Variants in PHEX observed in about 807,000 individuals in gnomAD.
The protein encoded by PHEX is phosphate regulating endopeptidase X-linked.
In PHEX, 16 loss-of-function variants were observed where a neutral mutation model predicts 68.0. The observed-to-expected ratio is 0.24, with a 90% CI of 0.16 to 0.36. PHEX has a LOEUF of 0.36. Ranked by LOEUF, PHEX falls within the 10% of genes least tolerant of loss-of-function variation. The pLI, the probability that PHEX is intolerant of heterozygous loss-of-function variation, is 1.00. For missense variants in PHEX, 480 were observed against 575.5 expected, an observed-to-expected ratio of 0.83 and a Z score of 1.70; for synonymous variants, 208 against 205.1, an observed-to-expected ratio of 1.01 and a Z score of -0.12.
chrX:22,157,034 C>T (rs748928635), intron 12 of PHEX, among the ~76,000 whole-genome samples: 1 of 111,361 alleles, frequency 9.0e-6, no homozygotes, highest in African/African-American at 3.3e-5. Context: ...AGGTGCAAGC[C>T]ACCACGCCCA....
chrX:22,226,141 A>G (rs1935486953), intron 18 of PHEX, among the ~76,000 whole-genome samples: 1 of 111,938 alleles, frequency 8.9e-6, no homozygotes, highest in East Asian at 2.8e-4. Flanking sequence ...CCATTAAACC[A>G]GAGTCACTCA....
intron 20 of PHEX, among the ~76,000 whole-genome samples, chrX:22,228,326 G>A (rs771732412): frequency 9.0e-6 from 1 of 111,403 alleles, no homozygotes; most frequent in Non-Finnish European, 1.9e-5. Context: ...GCCTCACCGT[G>A]GGCAAATGTG....
At chrX:22,194,985 G>A (rs1049781742) in intron 15 of PHEX, among the ~76,000 whole-genome samples, 13 of 112,284 alleles carry the variant, frequency 1.2e-4, no homozygotes, top group Admixed American at 1.9e-4. Context: ...TGATAACTGC[G>A]ACACTGATCT....
intron 9 of PHEX, among the ~76,000 whole-genome samples, chrX:22,101,291 A>G (rs1007245997): frequency 1.8e-5 from 2 of 112,759 alleles, no homozygotes; most frequent in Middle Eastern, 4.6e-3. Flanking sequence ...TGAGATTTCA[A>G]TACAACGTAC....
chrX:22,072,687 T>C (rs1928959868), intron 3 of PHEX, among the ~76,000 whole-genome samples: 1 of 112,291 alleles, frequency 8.9e-6, no homozygotes, highest in Admixed American at 9.4e-5. Flanking sequence ...ATATGTGATA[T>C]AGACTTGAAT....
intron 2 of PHEX, among the ~76,000 whole-genome samples, chrX:22,044,824 A>G (rs1927449345): frequency 1.8e-5 from 2 of 111,221 alleles, no homozygotes; most frequent in African/African-American, 6.5e-5. Flanking sequence ...TGTTAAGCCA[A>G]TTTGAAATTT....
At chrX:22,054,684 A>G (rs142229642) in intron 3 of PHEX, among the ~76,000 whole-genome samples, 2,440 of 111,589 alleles carry the variant, frequency 0.022, 29 homozygotes, top group Middle Eastern at 0.037. Context: ...CCAAGTTACA[A>G]ATATATCACC....
chrX:22,215,832 G>C (rs1240071503), intron 16 of PHEX, among the ~76,000 whole-genome samples: 1 of 111,043 alleles, frequency 9.0e-6, no homozygotes, highest in Non-Finnish European at 1.9e-5. Flanking sequence ...ATTCATGACT[G>C]AAGAATAAGA....
intron 2 of PHEX, among the ~76,000 whole-genome samples, chrX:22,044,439 C>T (rs768270790): frequency 4.5e-5 from 5 of 111,611 alleles, no homozygotes; most frequent in Admixed American, 9.6e-5. Context: ...TGGCCGGGCA[C>T]GGTGGCTCAC....
chrX:22,038,353 G>A (rs1927119183), intron 1 of PHEX, 116 bp from the exon 2 acceptor site: 8 of 579,620 alleles, frequency 1.4e-5, no homozygotes, highest in Middle Eastern at 3.1e-4. Flanking sequence ...TTGGAATACC[G>A]TGTCAACACT....
chrX:22,159,438 G>A (rs1207524185), intron 12 of PHEX, among the ~76,000 whole-genome samples: 1 of 111,922 alleles, frequency 8.9e-6, no homozygotes, highest in African/African-American at 3.3e-5. Context: ...TTGAGCCCAG[G>A]AGTTTGAGAC....
chrX:22,072,696 A>G (rs1245775678), intron 3 of PHEX, among the ~76,000 whole-genome samples: 1 of 112,326 alleles, frequency 8.9e-6, no homozygotes, highest in Non-Finnish European at 1.9e-5. Flanking sequence ...ATAGACTTGA[A>G]TAAGTATTTT....
At chrX:22,217,232 A>G (rs1935124258) in intron 16 of PHEX, among the ~76,000 whole-genome samples, 1 of 112,343 alleles carries the variant, frequency 8.9e-6, no homozygotes, top group Non-Finnish European at 1.9e-5. Flanking sequence ...AATTAACACT[A>G]TGTAAAATTA....
intron 3 of PHEX, among the ~76,000 whole-genome samples, chrX:22,069,049 G>A (rs1287791027): frequency 8.9e-6 from 1 of 112,050 alleles, no homozygotes; most frequent in East Asian, 2.8e-4. Flanking sequence ...GCAAAGAATC[G>A]CTTGAACCCG....
chrX:22,197,042 G>A (rs1602380071), intron 15 of PHEX, among the ~76,000 whole-genome samples: 1 of 111,990 alleles, frequency 8.9e-6, no homozygotes, highest in African/African-American at 3.2e-5. Context: ...GGAATTTAAT[G>A]AAATTAAATC....
chrX:22,194,444 G>C (rs1934299924), intron 15 of PHEX, among the ~76,000 whole-genome samples: 1 of 111,705 alleles, frequency 9.0e-6, no homozygotes, highest in South Asian at 3.7e-4. Context: ...CCTTCTTTTT[G>C]CTTCGCTGAA....
At chrX:22,101,761 G>GCT (rs1440568099) in intron 9 of PHEX, among the ~76,000 whole-genome samples, 1 of 111,448 alleles carries the variant, frequency 9.0e-6, no homozygotes, top group African/African-American at 3.3e-5. Context: ...GACTCATCTA[G>GCT]CTGTAGGGGA....
Position 22,047,107 on chromosome X carries a change from G to C in PHEX, c.245G>C (p.Arg82Pro), listed in dbSNP as rs769541316. ...LSVDPCDNFFRFACDGWISNN... is the reference protein window; with the variant it reads ...LSVDPCDNFFPFACDGWISNN... ...GTGGATCCTTGTGATAATTTCTTCC[G>C]GTTCGCTTGTGATGGCTGGATAAGC... Residue 82 changes from arginine (R) to proline (P), a missense_variant, in exon 3 of 22, where the codon CGG becomes CCG. Transcript: ENST00000379374. The C allele has an allele frequency of 8.3e-7, 1 of 1,205,147 alleles. No individual in the cohort carries two copies. The highest frequency in any genetic ancestry group is 2.3e-4 in the Middle Eastern group (1 of 4,363).
intron 1 of PHEX, among the ~76,000 whole-genome samples, chrX:22,033,528 CTT>C (rs766733053): frequency 6.3e-4 from 71 of 112,335 alleles, no homozygotes; most frequent in Admixed American, 4.8e-3. Context: ...TTCCATTTGA[CTT>C]TTATTAATGT....
Sources: gnomAD v4.1 joint callset for allele counts (sites outside exome capture counted in the v4.1 genomes callset) on GRCh38, gnomAD v4.1.1 for gene constraint, MANE v1.5 for transcripts, NCBI Gene and HGNC (gene_info 2026-07-23, HGNC 2026-07-21) for gene names.